Variants in SRGAP2 observed in about 807,000 individuals in gnomAD.
SRGAP2 encodes SLIT-ROBO Rho GTPase-activating protein 2.
A neutral mutation model predicts 57.2 loss-of-function variants in SRGAP2; 15 were observed. That is an observed-to-expected ratio of 0.26 (90% CI 0.18 to 0.40). The LOEUF (loss-of-function observed/expected upper bound fraction) is 0.40. Among genes scored for constraint, SRGAP2 ranks in the 10% least tolerant of loss-of-function variants. The pLI is 1.00. For synonymous variants in SRGAP2, 249 were observed against 248.0 expected, an observed-to-expected ratio of 1.00 and a Z score of -0.04; for missense variants, 520 against 669.6, an observed-to-expected ratio of 0.78 and a Z score of 2.47.
At chr1:206,432,031 A>G (rs1193227945) in intron 14 of SRGAP2, among the ~76,000 whole-genome samples, 1 of 152,250 alleles carries the variant, frequency 6.6e-6, no homozygotes, top group Non-Finnish European at 1.5e-5. Flanking sequence ...ATTCTGAGGA[A>G]GATGGGAAGC....
rs1279979485 is a variant in SRGAP2, at chr1:206,268,158, C to A, written c.68-35123C>A. 5.1e-3 allele frequency among the ~76,000 whole-genome samples: 768 copies of A among 150,566 alleles called. 8 individuals carry two copies. The highest frequency in any genetic ancestry group is 6.4e-3 in the Non-Finnish European group (435 of 67,768). On this transcript the variant is annotated intron_variant, in intron 2 of 22. Coordinates refer to ENST00000573034, the MANE Select transcript of SRGAP2 (RefSeq NM_015326.5). ...TGTGCAGTTTTGTTACATATGTATA[C>A]ATGTGCCATGTTGGTGTGCTGCACC...
intron 2 of SRGAP2, among the ~76,000 whole-genome samples, chr1:206,260,411 C>A (rs180982140): frequency 1.3e-5 from 2 of 152,090 alleles, no homozygotes; most frequent in African/African-American, 4.8e-5. Context: ...TATATGTTGA[C>A]GAGTATTATT....
chr1:206,437,620 T>G, intron 15 of SRGAP2: 1 of 211,480 alleles, frequency 4.7e-6, no homozygotes, highest in Non-Finnish European at 9.4e-6. Context: ...TTGGCCTCAT[T>G]TTTCTCCCCG....
At chr1:206,290,391 A>G (rs1229264072) in intron 2 of SRGAP2, among the ~76,000 whole-genome samples, 66 of 152,326 alleles carry the variant, frequency 4.3e-4, no homozygotes, top group African/African-American at 1.5e-3. Flanking sequence ...TCATGCCTGT[A>G]ATCCCAGCAC....
intron 4 of SRGAP2, among the ~76,000 whole-genome samples, chr1:206,364,375 C>T (rs1190715535): frequency 6.9e-6 from 1 of 144,500 alleles, no homozygotes; most frequent in African/African-American, 2.6e-5. Context: ...GATCTTGACT[C>T]ACTGTAATCC....
At chr1:206,414,915 G>A (rs1558406284) in intron 10 of SRGAP2, among the ~76,000 whole-genome samples, 1 of 152,196 alleles carries the variant, frequency 6.6e-6, no homozygotes, top group Non-Finnish European at 1.5e-5. Context: ...ATTTAGTTCT[G>A]CTTCTCTCCT....
At chr1:206,446,011 G>A (rs950013335) in intron 17 of SRGAP2, 64 bp from the exon 18 acceptor site, 1 of 761,808 alleles carries the variant, frequency 1.3e-6, no homozygotes, top group Non-Finnish European at 2.5e-6. Context: ...CGCCTCCTGT[G>A]ATTGTGTTTT....
intron 4 of SRGAP2, among the ~76,000 whole-genome samples, chr1:206,346,788 A>C (rs571039207): frequency 1.3e-5 from 2 of 152,332 alleles, no homozygotes; most frequent in South Asian, 4.1e-4. Context: ...TTCACTGCAA[A>C]AATTATGATA....
chr1:206,222,869 A>C, intron 2 of SRGAP2, among the ~76,000 whole-genome samples: 1 of 149,958 alleles, frequency 6.7e-6, no homozygotes, highest in Non-Finnish European at 1.5e-5. Context: ...GGTTGTATAG[A>C]TAAACTGAGA....
At chr1:206,443,659 G>A (rs1323341469) in intron 17 of SRGAP2, among the ~76,000 whole-genome samples, 4 of 152,136 alleles carry the variant, frequency 2.6e-5, no homozygotes. Flanking sequence ...TTACAGGCAT[G>A]AGCCTGTAAT....
intron 14 of SRGAP2, among the ~76,000 whole-genome samples, chr1:206,430,679 T>C (rs1265423719): frequency 6.6e-6 from 1 of 152,224 alleles, no homozygotes; most frequent in Non-Finnish European, 1.5e-5. Context: ...TCTGGTTTGG[T>C]CTCACTGGAT....
intron 2 of SRGAP2, among the ~76,000 whole-genome samples, chr1:206,231,426 G>C (rs1667630875): frequency 1.3e-5 from 2 of 151,570 alleles, no homozygotes; most frequent in South Asian, 4.2e-4. Flanking sequence ...CACTCTGGGG[G>C]AAGTAAGCAG....
At position 206,463,148 on chromosome 1, in the gene SRGAP2, A is replaced by G. The variant is rs77995616; in HGVS notation, c.*1728A>G. On this transcript the variant is annotated 3_prime_UTR_variant, in exon 23 of 23. Coordinates refer to ENST00000573034, the MANE Select transcript of SRGAP2 (RefSeq NM_015326.5). ...AGTTAGGTCTATGGAAAGTGGTAGG[A>G]TTTTTTTTTTTTTAATCCTGTGCAA... 3.7e-4 allele frequency: 56 copies of G among 150,122 alleles called. 1 individual carries two copies. Among genetic ancestry groups the G allele is most frequent in the African/African-American group, 1.3e-3 (51 of 40,734 alleles). 9.3% of individuals were successfully genotyped at this position (150,122 alleles called of 1,614,324 possible). A position where few individuals can be genotyped will look rare whatever the true frequency, so the allele number is the denominator to read the frequency against.
In SRGAP2 at chr1:206,461,184, A is replaced by G. The variant is rs1664239799; in HGVS notation, c.2980A>G (p.Ser994Gly). The change falls in exon 23 of 23, where the codon AGC becomes GGC. Residue 994 changes from serine (S) to glycine (G), a missense_variant. Physicochemically the swap from Ser to Gly is moderately conservative, Grantham distance 56. Coordinates refer to ENST00000573034, the MANE Select transcript of SRGAP2 (RefSeq NM_015326.5). ...GGTGGCCCCCACGTCAGAGCCCTCC[A>G]GCCCTCTGCACACCCAGCTCCTCAA... ...PVVAPTSEPS[S>G]PLHTQLLKDP... is the part of the protein sequence containing the mutation. 2.6e-6 allele frequency: 2 copies of G among 780,468 alleles called. No homozygotes were observed. The highest frequency in any genetic ancestry group is 4.8e-6 in the Non-Finnish European group (2 of 417,874). The allele number at this position is 780,468 out of a possible 1,614,324, so 48.3% of individuals were successfully genotyped here.
intron 13 of SRGAP2, among the ~76,000 whole-genome samples, chr1:206,427,552 T>C (rs1553366786): frequency 6.6e-6 from 1 of 152,084 alleles, no homozygotes; most frequent in African/African-American, 2.4e-5. Context: ...AAGCCAGCTT[T>C]TCTCTCAGCC....
chr1:206,331,498 T>C (rs1250698143), intron 3 of SRGAP2, among the ~76,000 whole-genome samples: 2 of 145,842 alleles, frequency 1.4e-5, no homozygotes, highest in Non-Finnish European at 3.0e-5. Context: ...GCTCCTGTAT[T>C]GGGTGCATAT....
At chr1:206,297,564 C>T (rs1389239430) in intron 2 of SRGAP2, among the ~76,000 whole-genome samples, 1 of 76,544 alleles carries the variant, frequency 1.3e-5, no homozygotes, top group Non-Finnish European at 2.3e-5. Flanking sequence ...CAATGGGGAG[C>T]GCGGGCTGAT....
chr1:206,418,888 CTGTG>C (rs1159940831), intron 11 of SRGAP2, among the ~76,000 whole-genome samples: 8,999 of 136,420 alleles, frequency 0.066, 398 homozygotes, highest in East Asian at 0.16. Context: ...CCAACTCTCT[CTGTG>C]TGTGTGTGTG....
At chr1:206,436,821 A>G (rs1661800817) in intron 14 of SRGAP2, 144 bp from the exon 15 acceptor site, 1 of 654,006 alleles carries the variant, frequency 1.5e-6, no homozygotes, top group South Asian at 1.8e-5. Context: ...ATCCTTGCAC[A>G]TGTTTTTCTC....
Sources: allele counts gnomAD v4.1 joint callset (sites outside exome capture counted in the v4.1 genomes callset), GRCh38; gene constraint gnomAD v4.1.1; transcripts MANE v1.5; gene names NCBI Gene and HGNC (gene_info 2026-07-23, HGNC 2026-07-21).